The following EIF2AK2 variants were observed in gnomAD, a reference collection of about 807,000 sequenced individuals.
The protein encoded by EIF2AK2 is interferon-induced, double-stranded RNA-activated protein kinase.
A neutral mutation model predicts 70.5 loss-of-function variants in EIF2AK2; 40 were observed. The observed-to-expected ratio is 0.57, with a 90% CI of 0.44 to 0.74. EIF2AK2 has a LOEUF of 0.74. EIF2AK2 is among the 30% of genes least tolerant of loss of function. The pLI, the probability that EIF2AK2 is intolerant of heterozygous loss-of-function variation, is 0.00. For synonymous variants in EIF2AK2, 198 were observed against 220.9 expected, an observed-to-expected ratio of 0.90 and a Z score of 0.92; for missense variants, 555 against 644.3, an observed-to-expected ratio of 0.86 and a Z score of 1.50.
intron 9 of EIF2AK2, chr2:37,136,597 A>G (rs745727629): frequency 1.1e-3 from 169 of 156,274 alleles, no homozygotes; most frequent in Non-Finnish European, 1.9e-3. Flanking sequence ...CTTTCTCTTC[A>G]GTTAATTGAC....
At chr2:37,156,172 A>C (rs12712526) in intron 1 of EIF2AK2, among the ~76,000 whole-genome samples, 47 of 151,918 alleles carry the variant, frequency 3.1e-4, no homozygotes, top group African/African-American at 1.1e-3. Flanking sequence ...AGAAGAAACA[A>C]GCAGTGCAAA....
At chr2:37,119,895 A>T in intron 13 of EIF2AK2, 64 bp downstream of exon 13, 1 of 965,964 alleles carries the variant, frequency 1.0e-6, no homozygotes, top group Non-Finnish European at 1.3e-6. Flanking sequence ...CCCAGCTGAG[A>T]AGATATATTT....
intron 10 of EIF2AK2, among the ~76,000 whole-genome samples, chr2:37,130,463 A>G (rs1208432660): frequency 1.3e-5 from 2 of 152,288 alleles, no homozygotes; most frequent in African/African-American, 4.8e-5. Flanking sequence ...TCCCAATTAC[A>G]AAACCAGATG....
At chr2:37,114,436 T>C (rs1232036680) in intron 14 of EIF2AK2, among the ~76,000 whole-genome samples, 1 of 152,132 alleles carries the variant, frequency 6.6e-6, no homozygotes, top group Non-Finnish European at 1.5e-5. Context: ...TATGGAGAAA[T>C]TATGCTATAT....
chr2:37,130,331 G>A (rs1047269261), intron 10 of EIF2AK2, among the ~76,000 whole-genome samples: 2 of 152,142 alleles, frequency 1.3e-5, no homozygotes, highest in African/African-American at 4.8e-5. Flanking sequence ...TTGAACTCCT[G>A]ACCTCAGGTG....
chr2:37,118,462 GT>G (rs1558411660), intron 13 of EIF2AK2, among the ~76,000 whole-genome samples: 1 of 152,210 alleles, frequency 6.6e-6, no homozygotes, highest in African/African-American at 2.4e-5. Flanking sequence ...TAGTTGGCAG[GT>G]AAGTGGGTAG....
In EIF2AK2 at chr2:37,133,064, A is replaced by G. The variant is rs961805046; in HGVS notation, c.785+2420T>C. Among the ~76,000 whole-genome samples, 6 of 152,234 alleles carry G rather than the reference A, an allele frequency of 3.9e-5. No individual in the cohort carries two copies. The South Asian group carries it at 1.2e-3, about 32-fold the overall frequency. On this transcript the variant is annotated intron_variant, in intron 10 of 16. Coordinates refer to ENST00000233057, the MANE Select transcript of EIF2AK2 (RefSeq NM_001135651.3). ...TTACTCAAACACTTGCACAAGCCCT[A>G]CGAATCACCTGGAAGCTACACATCC...
chr2:37,124,053 C>T (rs565946965), intron 11 of EIF2AK2, among the ~76,000 whole-genome samples: 3 of 151,692 alleles, frequency 2.0e-5, no homozygotes, highest in Admixed American at 1.3e-4. Flanking sequence ...CTGCAACCTC[C>T]ACCCCTAGGG....
intron 10 of EIF2AK2, among the ~76,000 whole-genome samples, chr2:37,132,990 G>A (rs1675001017): frequency 6.6e-6 from 1 of 152,158 alleles, no homozygotes; most frequent in South Asian, 2.1e-4. Flanking sequence ...CAGGTTCAGG[G>A]TGCCTCCTTC....
At position 37,106,090 on chromosome 2, in the gene EIF2AK2, T is replaced by A. The variant is rs1283023803; in HGVS notation, c.*1183A>T. The A allele has an allele frequency of 6.6e-6, 1 of 152,242 alleles. No homozygotes were observed. Among genetic ancestry groups the A allele is most frequent in the African/African-American group, 2.4e-5 (1 of 41,470 alleles). 9.4% of individuals were successfully genotyped at this position (152,242 alleles called of 1,614,324 possible). A position where few individuals can be genotyped will look rare whatever the true frequency, so the allele number is the denominator to read the frequency against. On this transcript the variant is annotated 3_prime_UTR_variant, in exon 17 of 17. Coordinates refer to ENST00000233057, the MANE Select transcript of EIF2AK2 (RefSeq NM_001135651.3). The stretch of plus-strand genomic sequence containing the variant: ...TACCTTTGAAAGTCCATTTCCCCAA[T>A]CACATCATTCCCCTCCCTCAAAGAT...
At chr2:37,111,460 C>T (rs1181416560) in intron 14 of EIF2AK2, among the ~76,000 whole-genome samples, 2 of 147,838 alleles carry the variant, frequency 1.4e-5, no homozygotes, top group Non-Finnish European at 3.0e-5. Flanking sequence ...AGTGCAATGG[C>T]GCGATCTCAG....
chr2:37,156,006 C>T (rs1156965194), intron 1 of EIF2AK2, among the ~76,000 whole-genome samples: 1 of 151,494 alleles, frequency 6.6e-6, no homozygotes, highest in African/African-American at 2.4e-5. Flanking sequence ...TGTTGACAAC[C>T]GAAGTAGTGG....
intron 14 of EIF2AK2, chr2:37,109,557 T>C (rs1674075668): frequency 5.7e-6 from 2 of 352,498 alleles, no homozygotes; most frequent in African/African-American, 2.1e-5. Flanking sequence ...CAGAGTTTGA[T>C]TGTGAGAGTG....
intron 10 of EIF2AK2, among the ~76,000 whole-genome samples, chr2:37,130,544 A>G (rs555029613): frequency 6.6e-6 from 1 of 152,278 alleles, no homozygotes; most frequent in African/African-American, 2.4e-5. Flanking sequence ...GTTGTCCCAA[A>G]CCCCTATATC....
chr2:37,149,446 T>G (rs557313066), intron 1 of EIF2AK2: 2 of 453,252 alleles, frequency 4.4e-6, no homozygotes, highest in Admixed American at 3.6e-5. Flanking sequence ...CTTGGGTGCT[T>G]TAAGATTCAC....
At chr2:37,110,914 T>C (rs777534378) in intron 14 of EIF2AK2, among the ~76,000 whole-genome samples, 20 of 152,214 alleles carry the variant, frequency 1.3e-4, no homozygotes, top group African/African-American at 4.1e-4. Flanking sequence ...TAAGTGTCCA[T>C]TGATGGATAA....
intron 14 of EIF2AK2, among the ~76,000 whole-genome samples, chr2:37,113,121 A>C (rs1262445693): frequency 2.0e-5 from 3 of 152,202 alleles, no homozygotes; most frequent in Admixed American, 2.0e-4. Context: ...TAAAACCAAA[A>C]AATATTTTCA....
At chr2:37,138,956 C>A (rs952941004) in intron 6 of EIF2AK2, among the ~76,000 whole-genome samples, 2 of 150,960 alleles carry the variant, frequency 1.3e-5, no homozygotes, top group African/African-American at 2.5e-5. Context: ...CCACCACACC[C>A]GTCTAATTTT....
intron 14 of EIF2AK2, among the ~76,000 whole-genome samples, chr2:37,114,177 AGAGT>A (rs1674255727): frequency 1.3e-5 from 2 of 152,268 alleles, no homozygotes; most frequent in South Asian, 4.1e-4. Flanking sequence ...ATGTGCCTCT[AGAGT>A]CCTAGCTACT....
Sources: allele counts gnomAD v4.1 joint callset (sites outside exome capture counted in the v4.1 genomes callset), GRCh38; gene constraint gnomAD v4.1.1; transcripts MANE v1.5; gene names NCBI Gene and HGNC (gene_info 2026-07-23, HGNC 2026-07-21).